The following EPB41L3 variants were observed in gnomAD, a reference collection of about 807,000 sequenced individuals.
The protein encoded by EPB41L3 is band 4.1-like protein 3.
A neutral mutation model predicts 127.1 loss-of-function variants in EPB41L3; 57 were observed. The ratio of observed to expected loss-of-function variants is 0.45; its 90% confidence interval spans 0.36 to 0.56. The LOEUF (loss-of-function observed/expected upper bound fraction) is 0.56. EPB41L3 is among the 20% of genes least tolerant of loss of function. The pLI, the probability that EPB41L3 is intolerant of heterozygous loss-of-function variation, is 0.00. For missense variants in EPB41L3, 1,273 were observed against 1,372.2 expected, an observed-to-expected ratio of 0.93 and a Z score of 1.14; for synonymous variants, 572 against 549.5, an observed-to-expected ratio of 1.04 and a Z score of -0.57.
At chr18:5,565,613 C>A in intron 3 of EPB41L3, among the ~76,000 whole-genome samples, 1 of 99,612 alleles carries the variant, frequency 1.0e-5, no homozygotes, top group African/African-American at 4.0e-5. Flanking sequence ...CCTCCCCCCT[C>A]CCCCCTCCCC....
intron 4 of EPB41L3, among the ~76,000 whole-genome samples, chr18:5,444,503 G>A (rs1236738160): frequency 6.6e-6 from 1 of 152,224 alleles, no homozygotes; most frequent in African/African-American, 2.4e-5. Flanking sequence ...CAATGGAAAC[G>A]ATTTCCTTTT....
chr18:5,442,802 T>C (rs923429637), intron 5 of EPB41L3, among the ~76,000 whole-genome samples: 1 of 152,206 alleles, frequency 6.6e-6, no homozygotes, highest in African/African-American at 2.4e-5. Flanking sequence ...CTCCTCCTTC[T>C]CAACCCCGAC....
intron 1 of EPB41L3, among the ~76,000 whole-genome samples, chr18:5,527,459 A>ATTTGATTTC (rs1349491141): frequency 2.7e-4 from 41 of 151,902 alleles, no homozygotes; most frequent in African/African-American, 8.9e-4. Context: ...TTATATTTTA[A>ATTTGATTTC]ACGACTCTTT....
chr18:5,605,672 C>T (rs145859443), intron 3 of EPB41L3, among the ~76,000 whole-genome samples: 35 of 152,246 alleles, frequency 2.3e-4, no homozygotes, highest in Admixed American at 4.6e-4. Context: ...TGGTCTCCCA[C>T]CTCGGCCTTC....
rs1019648472 is a variant in EPB41L3, at chr18:5,543,307, G to C, written c.-12+606C>G. On this transcript the variant is annotated intron_variant, in intron 1 of 22. Transcript: ENST00000341928. The surrounding 1 kb of genome is among the most constrained non-coding windows in gnomAD (Gnocchi z 5.2). ...GCCCAGCGGGGATGCTTTGTGCGGA[G>C]CGCACCTTATCGGCCCCGCGCTGCG... 3.4e-4 allele frequency: 51 copies of C among 150,386 alleles called. No homozygotes were observed. The highest frequency in any genetic ancestry group is 1.2e-3 in the African/African-American group (51 of 41,336). The allele number at this position is 150,386 out of a possible 1,614,324, so 9.3% of individuals were successfully genotyped here.
At chr18:5,407,607 A>G (rs1350231964) in intron 15 of EPB41L3, 94 bp downstream of exon 15, 22 of 1,313,854 alleles carry the variant, frequency 1.7e-5, no homozygotes, top group Non-Finnish European at 2.1e-5. Flanking sequence ...GCTACAGAGC[A>G]TGCTGAAAGA....
At chr18:5,446,864 C>G (rs1043137232) in intron 3 of EPB41L3, among the ~76,000 whole-genome samples, 1 of 152,146 alleles carries the variant, frequency 6.6e-6, no homozygotes, top group African/African-American at 2.4e-5. Context: ...GACAATGAAG[C>G]GCCTGCTTGC....
chr18:5,502,912 G>A (rs2091863198), intron 1 of EPB41L3, among the ~76,000 whole-genome samples: 1 of 152,198 alleles, frequency 6.6e-6, no homozygotes, highest in Non-Finnish European at 1.5e-5. Flanking sequence ...GCTGGAGAGG[G>A]TAACACTAGC....
chr18:5,443,894 G>T lies in EPB41L3; in HGVS notation c.487-14C>A. On this transcript the variant is annotated splice_polypyrimidine_tract_variant and intron_variant, in intron 4 of 22. Transcript: ENST00000341928. ...GTCCAACCAATTCTGAAAAGGAAATGACATTTTGAATTTGAATCAGAGGAG... is the reference window on the plus strand; with the variant it reads ...GTCCAACCAATTCTGAAAAGGAAATTACATTTTGAATTTGAATCAGAGGAG... 3 of 1,604,308 alleles carry T rather than the reference G, an allele frequency of 1.9e-6. No individual in the cohort carries two copies. Among genetic ancestry groups the T allele is most frequent in the South Asian group, 1.1e-5 (1 of 89,536 alleles).
chr18:5,624,558 T>C (rs1364947238), intron 1 of EPB41L3, among the ~76,000 whole-genome samples: 1 of 152,220 alleles, frequency 6.6e-6, no homozygotes, highest in Non-Finnish European at 1.5e-5. Flanking sequence ...TTCCAGATAA[T>C]TGCCTGTTTT....
At chr18:5,405,139 C>G (rs2075159223) in intron 16 of EPB41L3, among the ~76,000 whole-genome samples, 1 of 152,138 alleles carries the variant, frequency 6.6e-6, no homozygotes, top group African/African-American at 2.4e-5. Flanking sequence ...ATAATGAGTT[C>G]TTGATTACTT....
At chr18:5,479,600 C>G (rs1193407868) in intron 2 of EPB41L3, 3 of 152,102 alleles carry the variant, frequency 2.0e-5, no homozygotes, top group African/African-American at 7.2e-5. Flanking sequence ...TAATACAGTA[C>G]TCTCCTCCAA....
rs777934443 is a variant in EPB41L3 at position 5,397,979 on chromosome 18, T to C, written c.2472+42A>G. On this transcript the variant is annotated intron_variant, in intron 17 of 22. Transcript: ENST00000341928. The surrounding 1 kb of genome is among the most constrained non-coding windows in gnomAD (Gnocchi z 4.1). ...CAAAAAAAGGGTAAGGAAAGGCACA[T>C]GGGCACATTCAGAAACACCAAGGAC... The C allele has an allele frequency of 1.2e-6, 2 of 1,613,406 alleles. No individual in the cohort carries two copies. The highest frequency in any genetic ancestry group is 2.7e-5 in the African/African-American group (2 of 74,860).
At chr18:5,420,054 G>GA in intron 11 of EPB41L3, 177 bp from the exon 12 acceptor site, 5 of 1,371,130 alleles carry the variant, frequency 3.6e-6, no homozygotes, top group South Asian at 1.5e-5. Flanking sequence ...GGTTTGCCTT[G>GA]AAAAAACAAA....
At chr18:5,622,567 G>T (rs1336314687) in intron 1 of EPB41L3, among the ~76,000 whole-genome samples, 1 of 152,146 alleles carries the variant, frequency 6.6e-6, no homozygotes, top group Non-Finnish European at 1.5e-5. Flanking sequence ...GCTCTTTAGG[G>T]TTTGCAGGCT....
chr18:5,553,150 T>C (rs146974927), intron 3 of EPB41L3, among the ~76,000 whole-genome samples: 1 of 152,250 alleles, frequency 6.6e-6, no homozygotes, highest in East Asian at 1.9e-4. Flanking sequence ...AATATGCAGG[T>C]TGTTTATAGT....
intron 3 of EPB41L3, among the ~76,000 whole-genome samples, chr18:5,591,617 G>A (rs931226822): frequency 6.6e-6 from 1 of 152,160 alleles, no homozygotes; most frequent in African/African-American, 2.4e-5. Flanking sequence ...TATTTTCTTG[G>A]AGGAAGAAAA....
At chr18:5,471,487 T>TA (rs1286103616) in intron 3 of EPB41L3, among the ~76,000 whole-genome samples, 3 of 152,232 alleles carry the variant, frequency 2.0e-5, no homozygotes, top group African/African-American at 7.2e-5. Context: ...CGTGAAATCT[T>TA]AGTCACAGGA....
chr18:5,586,565 A>AT (rs10669405), intron 3 of EPB41L3, among the ~76,000 whole-genome samples: 17,087 of 125,752 alleles, frequency 0.14, 1,556 homozygotes, highest in East Asian at 0.21. Context: ...ATACATGACT[A>AT]TTTTTTTTTT....
Sources: allele counts gnomAD v4.1 joint callset (sites outside exome capture counted in the v4.1 genomes callset), GRCh38; gene constraint gnomAD v4.1.1; non-coding constraint Gnocchi (gnomAD v3.1); transcripts MANE v1.5; gene names NCBI Gene and HGNC (gene_info 2026-07-23, HGNC 2026-07-21).